METTL16: variants seen among roughly 807,000 people sequenced by gnomAD.
METTL16 encodes methyltransferase 16, RNA N6-adenosine.
Under a neutral mutation model 57.9 loss-of-function variants are expected in METTL16, and 19 were observed. The ratio of observed to expected loss-of-function variants is 0.33; its 90% CI spans 0.23 to 0.48. The LOEUF is 0.48. METTL16 is among the 20% of genes least tolerant of loss of function. The pLI is 0.99. For missense variants in METTL16, 434 were observed against 691.5 expected (o/e 0.63, Z 4.18); for synonymous variants, 246 against 255.6 (o/e 0.96, Z 0.36).
At chr17:2,456,851 C>G (rs1050018911) in intron 6 of METTL16, among the ~76,000 whole-genome samples, 1 of 151,858 alleles carries the variant, frequency 6.6e-6, no homozygotes, top group Non-Finnish European at 1.5e-5. Flanking sequence ...TACACTGTCT[C>G]AATCTCAGCT....
At chr17:2,442,411 A>G (rs1396802315) in intron 6 of METTL16, among the ~76,000 whole-genome samples, 1 of 152,176 alleles carries the variant, frequency 6.6e-6, no homozygotes, top group Non-Finnish European at 1.5e-5. Flanking sequence ...TGAGACACAG[A>G]TCAAAGTTCA....
At chr17:2,440,115 G>A (rs2066936707) in intron 7 of METTL16, among the ~76,000 whole-genome samples, 1 of 152,124 alleles carries the variant, frequency 6.6e-6, no homozygotes, top group Non-Finnish European at 1.5e-5. Context: ...AAATTAGCTG[G>A]GCGTGGTGGT....
At chr17:2,486,539 G>A (rs1281238842) in intron 2 of METTL16, among the ~76,000 whole-genome samples, 2 of 152,020 alleles carry the variant, frequency 1.3e-5, no homozygotes, top group African/African-American at 4.8e-5. Flanking sequence ...CCAAAGTGCT[G>A]GGATTACAGG....
intron 1 of METTL16, among the ~76,000 whole-genome samples, chr17:2,508,421 A>C (rs2067563883): frequency 6.6e-6 from 1 of 152,066 alleles, no homozygotes; most frequent in Non-Finnish European, 1.5e-5. Context: ...CCCACCCCAA[A>C]CTGGTCCTTC....
At chr17:2,490,616 T>C (rs1463616741) in intron 2 of METTL16, among the ~76,000 whole-genome samples, 1 of 152,212 alleles carries the variant, frequency 6.6e-6, no homozygotes, top group African/African-American at 2.4e-5. Context: ...AATGTCTGTA[T>C]AGTAAAAAAT....
intron 8 of METTL16, among the ~76,000 whole-genome samples, chr17:2,434,792 A>G (rs957427234): frequency 6.6e-6 from 1 of 152,176 alleles, no homozygotes; most frequent in Non-Finnish European, 1.5e-5. Context: ...AAAGCCCTCT[A>G]GTTCTTACTC....
At chr17:2,443,022 C>T (rs1332459807) in intron 6 of METTL16, among the ~76,000 whole-genome samples, 4 of 150,578 alleles carry the variant, frequency 2.7e-5, no homozygotes, top group Admixed American at 1.3e-4. Flanking sequence ...CAGAGTACCA[C>T]TCTGTCGCCC....
intron 8 of METTL16, among the ~76,000 whole-genome samples, chr17:2,423,444 G>C (rs1219757767): frequency 6.6e-6 from 1 of 152,136 alleles, no homozygotes; most frequent in Non-Finnish European, 1.5e-5. Context: ...CAATCATCCT[G>C]CATGAGAAAC....
At chr17:2,499,629 T>G (rs1241162319) in intron 2 of METTL16, among the ~76,000 whole-genome samples, 1 of 152,174 alleles carries the variant, frequency 6.6e-6, no homozygotes, top group African/African-American at 2.4e-5. Flanking sequence ...GATTATGGTA[T>G]CCAAAGAAAA....
chr17:2,449,536 C>CA lies in METTL16; in HGVS notation c.729-7978dup, dbSNP rs145424292. On this transcript the variant is annotated intron_variant, in intron 6 of 9. Transcript: ENST00000263092. Reference sequence around the variant, plus strand: ...AACAATTTTGAAAACAAAAAACAAACAAAAAAAAACAAAGATAGAGGATTT... The same window carrying CA: ...AACAATTTTGAAAACAAAAAACAAACAAAAAAAAAACAAAGATAGAGGATTT... Among the ~76,000 whole-genome samples, 111 of 117,852 alleles carry CA rather than the reference C, an allele frequency of 9.4e-4. 3 individuals carry two copies. The East Asian group carries it at 0.018, about 19-fold the overall frequency. The allele number at this position is 117,852 out of a possible 152,430, so 77.3% of individuals were successfully genotyped here.
intron 3 of METTL16, 187 bp downstream of exon 3, chr17:2,477,499 C>A (rs2067276601): frequency 1.7e-6 from 1 of 589,428 alleles, no homozygotes; most frequent in South Asian, 2.1e-5. Context: ...CTTTGAGCAA[C>A]ACATCAGTGC....
At chr17:2,452,591 A>C (rs2067078972) in intron 6 of METTL16, among the ~76,000 whole-genome samples, 1 of 152,224 alleles carries the variant, frequency 6.6e-6, no homozygotes, top group Non-Finnish European at 1.5e-5. Context: ...TACTTATTAC[A>C]ACATTTAGGA....
Position 2,419,255 on chromosome 17 carries a change from A to G in METTL16, c.*715T>C, listed in dbSNP as rs1474170699. 1 of 168,356 alleles carries G rather than the reference A, an allele frequency of 5.9e-6. No individual in the cohort carries two copies. The highest frequency in any genetic ancestry group is 5.7e-5 in the Admixed American group (1 of 17,510). 10.4% of individuals were successfully genotyped at this position (168,356 alleles called of 1,614,324 possible). A position where few individuals can be genotyped will look rare whatever the true frequency, so the allele number is the denominator to read the frequency against. On this transcript the variant is annotated 3_prime_UTR_variant, in exon 10 of 10. Transcript: ENST00000263092. ...CACACAGTAGTAAAACTGCTACAAA[A>G]TGGTACTGTCAACAGGCTGGAGGTG...
chr17:2,420,329 C>A lies in METTL16; in HGVS notation c.1330G>T (p.Val444Leu), dbSNP rs1449624331. Reference sequence around the variant, plus strand: ...TCCTGGCTCGGGCACGGGCCCTCCACAGCGGCAGCCTCGCCTTCCCGCAGA... The same window carrying A: ...TCCTGGCTCGGGCACGGGCCCTCCAAAGCGGCAGCCTCGCCTTCCCGCAGA... ...PALREGEAAA[V>L]EGPCPSQESL... The change falls in exon 10 of 10, where the codon GTG becomes TTG. Residue 444 changes from valine to leucine, a missense_variant. Physicochemically the swap from Val to Leu is conservative, Grantham distance 32. Around this residue, in one of 5 missense-constraint regions of METTL16, gnomAD observed 168 missense variants for 149.6 expected, o/e 1.12. Transcript: ENST00000263092. This position sits in a 1 kb window ranked among gnomAD's most constrained non-coding sequence, Gnocchi z 5.4. The A allele has an allele frequency of 6.2e-7, 1 of 1,611,792 alleles. No homozygotes were observed.
chr17:2,489,760 G>A (rs556237467), intron 2 of METTL16, among the ~76,000 whole-genome samples: 26 of 93,690 alleles, frequency 2.8e-4, no homozygotes, highest in African/African-American at 1.1e-3. Flanking sequence ...CGAATACTGC[G>A]ATTTCCTAGC....
intron 1 of METTL16, among the ~76,000 whole-genome samples, chr17:2,509,225 A>G (rs990848238): frequency 1.3e-5 from 2 of 152,216 alleles, no homozygotes; most frequent in African/African-American, 4.8e-5. Context: ...TGTATACAAT[A>G]AATATTTTTT....
At chr17:2,446,603 C>T (rs947526808) in intron 6 of METTL16, among the ~76,000 whole-genome samples, 6 of 151,514 alleles carry the variant, frequency 4.0e-5, no homozygotes, top group African/African-American at 1.2e-4. Context: ...TCTCCCTCTC[C>T]CTCTCCCTCT....
intron 6 of METTL16, among the ~76,000 whole-genome samples, chr17:2,462,306 G>A (rs1353290204): frequency 6.6e-6 from 1 of 152,160 alleles, no homozygotes; most frequent in Non-Finnish European, 1.5e-5. Flanking sequence ...GCAGAATGAT[G>A]GTTGCCAGGG....
At chr17:2,464,388 C>A in intron 5 of METTL16, 38 bp from the exon 6 acceptor site, 1 of 1,561,896 alleles carries the variant, frequency 6.4e-7, no homozygotes, top group Non-Finnish European at 8.6e-7. Flanking sequence ...AAAATGTGTA[C>A]ACCCCAAGAA....
Sources: allele counts gnomAD v4.1 joint callset (sites outside exome capture counted in the v4.1 genomes callset), GRCh38; gene constraint gnomAD v4.1.1; regional missense constraint gnomAD v4.1.1; non-coding constraint Gnocchi (gnomAD v3.1); transcripts MANE v1.5; gene names NCBI Gene and HGNC (gene_info 2026-07-23, HGNC 2026-07-21).